The following AKT3 variants were observed in gnomAD, a reference collection of about 807,000 sequenced individuals.
AKT3 encodes the protein AKT serine/threonine kinase 3, also known as RAC-gamma serine/threonine-protein kinase.
A neutral mutation model predicts 65.3 loss-of-function variants in AKT3; 15 were observed. That is an observed-to-expected ratio of 0.23 (90% CI 0.15 to 0.35). AKT3 has a LOEUF of 0.35. Ranked by LOEUF, AKT3 falls within the 10% of genes least tolerant of loss-of-function variation. The pLI, the probability that AKT3 is intolerant of heterozygous loss-of-function variation, is 1.00. For missense variants in AKT3, 243 were observed against 576.5 expected (o/e 0.42, Z 5.92); for synonymous variants, 206 against 183.8 (o/e 1.12, Z -0.98).
At chr1:243,666,424 A>G (rs1682786284) in intron 3 of AKT3, among the ~76,000 whole-genome samples, 1 of 152,160 alleles carries the variant, frequency 6.6e-6, no homozygotes, top group Admixed American at 6.5e-5. Context: ...CAATATCAAA[A>G]TCCAAACTTT....
chr1:243,720,575 T>A (rs12144546), intron 2 of AKT3, among the ~76,000 whole-genome samples: 1 of 151,814 alleles, frequency 6.6e-6, no homozygotes, highest in African/African-American at 2.4e-5. Flanking sequence ...GATCTCAGCC[T>A]GACTTGGCCT....
chr1:243,511,321 C>T (rs1323952264), intron 13 of AKT3, among the ~76,000 whole-genome samples: 4 of 152,174 alleles, frequency 2.6e-5, no homozygotes, highest in Non-Finnish European at 2.9e-5. Flanking sequence ...TGTGGCCAGA[C>T]CATGGTCCCA....
intron 3 of AKT3, among the ~76,000 whole-genome samples, chr1:243,687,009 T>C (rs956292790): frequency 6.6e-6 from 1 of 151,962 alleles, no homozygotes; most frequent in Non-Finnish European, 1.5e-5. Flanking sequence ...GAAGAAGGTA[T>C]CATTAGCTCC....
chr1:243,705,750 A>G (rs1000809489), intron 2 of AKT3, among the ~76,000 whole-genome samples: 6 of 152,166 alleles, frequency 3.9e-5, no homozygotes, highest in Non-Finnish European at 8.8e-5. Context: ...TATGTTGTGG[A>G]GAATTACTCA....
At chr1:243,627,167 G>A (rs1321311144) in intron 6 of AKT3, among the ~76,000 whole-genome samples, 1 of 152,080 alleles carries the variant, frequency 6.6e-6, no homozygotes, top group Admixed American at 6.6e-5. Flanking sequence ...CTCTGACATG[G>A]TTTCAGAAGT....
intron 9 of AKT3, among the ~76,000 whole-genome samples, chr1:243,571,751 C>A (rs1674580965): frequency 6.6e-6 from 1 of 152,180 alleles, no homozygotes; most frequent in Non-Finnish European, 1.5e-5. Flanking sequence ...TACATGAATG[C>A]TGAATTCTGC....
chr1:243,642,530 C>T (rs111570734), intron 5 of AKT3, among the ~76,000 whole-genome samples: 3,979 of 152,240 alleles, frequency 0.026, 166 homozygotes, highest in African/African-American at 0.089. Context: ...AGGATGGTCT[C>T]GATCTCCTGA....
chr1:243,548,829 A>C (rs1672850902), intron 11 of AKT3, among the ~76,000 whole-genome samples: 1 of 152,256 alleles, frequency 6.6e-6, no homozygotes, highest in South Asian at 2.1e-4. Flanking sequence ...AAGAAATAAA[A>C]GCAAAATGAT....
chr1:243,641,809 G>A (rs1572082029), intron 5 of AKT3, among the ~76,000 whole-genome samples: 1 of 152,140 alleles, frequency 6.6e-6, no homozygotes, highest in East Asian at 1.9e-4. Flanking sequence ...AGTGGCAGGT[G>A]TCTGTAGTCC....
downstream of AKT3, chr1:243,499,584 A>G: frequency 1.5e-6 from 1 of 665,412 alleles, no homozygotes; most frequent in Non-Finnish European, 2.7e-6. Flanking sequence ...AAGGGCTTTG[A>G]TGTGGACAAG....
intron 1 of AKT3, 46 bp downstream of exon 1, chr1:243,849,994 G>A: frequency 5.1e-6 from 5 of 981,206 alleles, no homozygotes; most frequent in Non-Finnish European, 6.1e-6. Flanking sequence ...GGAGGGAGTG[G>A]AGGCCAGGCG....
At chr1:243,846,685 C>T (rs1289781433) in intron 1 of AKT3, among the ~76,000 whole-genome samples, 34 of 152,010 alleles carry the variant, frequency 2.2e-4, no homozygotes, top group Admixed American at 2.2e-3. Flanking sequence ...GTTAATGGGC[C>T]AGTCAATACA....
intron 8 of AKT3, among the ~76,000 whole-genome samples, chr1:243,582,770 G>A (rs539643526): frequency 5.7e-4 from 87 of 152,120 alleles, no homozygotes; most frequent in African/African-American, 2.0e-3. Context: ...TATTAGCTTT[G>A]AATGTAAATG....
intron 2 of AKT3, chr1:243,818,076 T>C (rs1412718831): frequency 2.6e-5 from 4 of 152,212 alleles, no homozygotes; most frequent in South Asian, 4.1e-4. Flanking sequence ...CGAAGTAGGA[T>C]TGAGAGCAGA....
rs1003761778 is a variant in AKT3 at position 243,499,931 on chromosome 1, C to T, written c.*5318G>A. 5.4e-6 allele frequency: 4 copies of T among 738,790 alleles called. No individual in the cohort carries two copies. The highest frequency in any genetic ancestry group is 2.3e-4 in the Middle Eastern group (1 of 4,386). The allele number at this position is 738,790 out of a possible 1,614,324, so 45.8% of individuals were successfully genotyped here. A position where few individuals can be genotyped will look rare whatever the true frequency, so the allele number is the denominator to read the frequency against. ...TGGGGCTGGTCCTCATCAACGCGGG[C>T]GCTGTCCCCGCACGCAGTCGGGCTG... is the stretch of plus-strand genomic sequence containing the variant. On this transcript the variant is annotated 3_prime_UTR_variant, in exon 14 of 14. Coordinates refer to ENST00000673466, the MANE Select transcript of AKT3 (RefSeq NM_005465.7).
intron 2 of AKT3, among the ~76,000 whole-genome samples, chr1:243,780,224 G>T (rs1475307137): frequency 1.3e-5 from 2 of 152,022 alleles, no homozygotes; most frequent in African/African-American, 4.8e-5. Flanking sequence ...CTGTAACCAG[G>T]TGATCAAAAT....
At chr1:243,773,762 T>A (rs919098310) in intron 2 of AKT3, among the ~76,000 whole-genome samples, 6 of 152,244 alleles carry the variant, frequency 3.9e-5, no homozygotes, top group African/African-American at 1.4e-4. Flanking sequence ...AATGTTAATT[T>A]CCTTCCCAAC....
intron 9 of AKT3, among the ~76,000 whole-genome samples, chr1:243,566,183 C>T (rs1674142083): frequency 6.6e-6 from 1 of 152,120 alleles, no homozygotes; most frequent in Non-Finnish European, 1.5e-5. Flanking sequence ...CTTTTTAATA[C>T]CTAGCTCCGT....
chr1:243,686,161 G>A (rs916125813), intron 3 of AKT3, among the ~76,000 whole-genome samples: 7 of 152,104 alleles, frequency 4.6e-5, no homozygotes, highest in Admixed American at 3.3e-4. Flanking sequence ...GATCAATATC[G>A]TGAAAATGGC....
Sources: gnomAD v4.1 joint callset for allele counts (sites outside exome capture counted in the v4.1 genomes callset) on GRCh38, gnomAD v4.1.1 for gene constraint, MANE v1.5 for transcripts, NCBI Gene and HGNC (gene_info 2026-07-23, HGNC 2026-07-21) for gene names.